The following SNX29 variants were observed in gnomAD, a reference collection of about 807,000 sequenced individuals.
The protein encoded by SNX29 is sorting nexin-29.
SNX29 carries 78 observed loss-of-function variants against 102.1 expected under a neutral mutation model. That is an observed-to-expected ratio of 0.76 (90% CI 0.64 to 0.92). The LOEUF (loss-of-function observed/expected upper bound fraction) is 0.92, where lower values mean the gene tolerates loss of function less well. Among genes scored for constraint, SNX29 ranks in the 40% least tolerant of loss-of-function variants. The pLI is 0.00. For synonymous variants in SNX29, 580 were observed against 414.5 expected, an observed-to-expected ratio of 1.40 and a Z score of -4.85; for missense variants, 1,280 against 1,061.7, an observed-to-expected ratio of 1.21 and a Z score of -2.86.
intron 16 of SNX29, among the ~76,000 whole-genome samples, chr16:12,389,458 T>G (rs111457685): frequency 3.9e-5 from 6 of 152,176 alleles, no homozygotes; most frequent in African/African-American, 1.4e-4. Flanking sequence ...TGGCTCTCAT[T>G]CTCCTGCCTG....
chr16:12,484,647 C>T (rs1001619090), intron 19 of SNX29, among the ~76,000 whole-genome samples: 4 of 152,062 alleles, frequency 2.6e-5, no homozygotes, highest in African/African-American at 9.7e-5. Flanking sequence ...CACCTCGGGG[C>T]CTTTGCACCT....
chr16:12,377,461 A>G (rs1049988022), intron 16 of SNX29, among the ~76,000 whole-genome samples: 9 of 152,164 alleles, frequency 5.9e-5, no homozygotes, highest in Admixed American at 1.3e-4. Flanking sequence ...TCTTATTTCA[A>G]TGGTAAAGCA....
At chr16:12,200,274 A>C (rs2076880829) in intron 14 of SNX29, among the ~76,000 whole-genome samples, 1 of 152,222 alleles carries the variant, frequency 6.6e-6, no homozygotes, top group Non-Finnish European at 1.5e-5. Context: ...ATAGAAGAAC[A>C]GTCATGAAGA....
At chr16:12,331,558 T>C (rs2081292298) in intron 15 of SNX29, among the ~76,000 whole-genome samples, 1 of 152,096 alleles carries the variant, frequency 6.6e-6, no homozygotes, top group African/African-American at 2.4e-5. Context: ...TTCCAGAATT[T>C]TTTTGTTTTT....
intron 18 of SNX29, among the ~76,000 whole-genome samples, chr16:12,454,866 C>T (rs959483365): frequency 1.3e-5 from 2 of 151,942 alleles, no homozygotes; most frequent in African/African-American, 4.8e-5. Context: ...CTGCCTCAGC[C>T]TCCCGAGTAA....
At chr16:12,208,728 C>G (rs2077108713) in intron 14 of SNX29, among the ~76,000 whole-genome samples, 1 of 151,998 alleles carries the variant, frequency 6.6e-6, no homozygotes, top group Non-Finnish European at 1.5e-5. Flanking sequence ...GTAGTCCCAG[C>G]TCTTTGGGAG....
At chr16:12,099,422 G>C (rs1409412580) in intron 11 of SNX29, among the ~76,000 whole-genome samples, 1 of 152,042 alleles carries the variant, frequency 6.6e-6, no homozygotes, top group East Asian at 1.9e-4. Flanking sequence ...GTATGTGTGA[G>C]GAAGGGCCAG....
intron 14 of SNX29, among the ~76,000 whole-genome samples, chr16:12,237,172 G>C (rs1353817325): frequency 6.6e-6 from 1 of 152,218 alleles, no homozygotes; most frequent in Non-Finnish European, 1.5e-5. Flanking sequence ...CGTAGGACAG[G>C]AGGGTGCGAA....
intron 14 of SNX29, among the ~76,000 whole-genome samples, chr16:12,241,884 C>T (rs2078114243): frequency 6.6e-6 from 1 of 152,180 alleles, no homozygotes; most frequent in Non-Finnish European, 1.5e-5. Flanking sequence ...AGTTCCAGAA[C>T]TTTCTAGTTC....
In SNX29 at chr16:12,477,838, CA is replaced by C; in HGVS notation, c.2162del (p.Lys721ArgfsTer26). On this transcript the variant is annotated frameshift_variant, in exon 19 of 21. Transcript: ENST00000566228. LOFTEE classifies it high-confidence loss of function. ...AAGTGAGGGCCTACAACTTCCCACC[CA>C]AAAAGGCCATTGGAAACAAGGTACC... Reference protein sequence around the residue: ...PQVRAYNFPPKKAIGNKDAKF... With the variant: ...PQVRAYNFPPXKAIGNKDAKF... The C allele has an allele frequency of 6.2e-7, 1 of 1,606,998 alleles. No homozygotes were observed. The highest frequency in any genetic ancestry group is 1.7e-5 in the Admixed American group (1 of 57,560).
intron 19 of SNX29, among the ~76,000 whole-genome samples, chr16:12,487,352 C>G (rs535535677): frequency 6.6e-6 from 1 of 152,324 alleles, no homozygotes; most frequent in African/African-American, 2.4e-5. Flanking sequence ...TGTACACTAA[C>G]ACCAGCCACC....
rs150324899 is a variant in SNX29, at chr16:12,495,297, G to A, written c.2178+17438G>A. ...CTCCCAAGTAGTTGGGATTACAGACGTGCACCACCACGTCCAGCTAGTTTA... is the reference window on the plus strand; with the variant it reads ...CTCCCAAGTAGTTGGGATTACAGACATGCACCACCACGTCCAGCTAGTTTA... On this transcript the variant is annotated intron_variant, in intron 19 of 20. Transcript: ENST00000566228. 9.7e-3 allele frequency among the ~76,000 whole-genome samples: 1,476 copies of A among 152,048 alleles called. 29 individuals carry two copies. Among genetic ancestry groups the A allele is most frequent in the African/African-American group, 0.034 (1,421 of 41,456 alleles).
At chr16:12,361,997 C>T (rs1443290763) in intron 16 of SNX29, among the ~76,000 whole-genome samples, 1 of 152,140 alleles carries the variant, frequency 6.6e-6, no homozygotes, top group African/African-American at 2.4e-5. Context: ...ATGTTAATAA[C>T]GAGCACATGC....
At chr16:12,231,187 T>C (rs959831827) in intron 14 of SNX29, among the ~76,000 whole-genome samples, 1 of 152,080 alleles carries the variant, frequency 6.6e-6, no homozygotes, top group Non-Finnish European at 1.5e-5. Context: ...ACTGTCTGAT[T>C]AGGAAACAGA....
intron 3 of SNX29, 116 bp downstream of exon 3, chr16:12,003,159 T>A (rs2056348393): frequency 7.8e-7 from 1 of 1,283,998 alleles, no homozygotes; most frequent in Non-Finnish European, 1.1e-6. Context: ...GGCGGCTGGC[T>A]TCTGGGCTCT....
At chr16:12,493,449 G>C (rs1317701987) in intron 19 of SNX29, among the ~76,000 whole-genome samples, 1 of 152,142 alleles carries the variant, frequency 6.6e-6, no homozygotes, top group Non-Finnish European at 1.5e-5. Flanking sequence ...AGACGATGGG[G>C]TTTTCTAGAT....
rs566379137 is a variant in SNX29, at chr16:12,562,634, C to T, written c.2319-5872C>T. ...CTTGAGAGCTACAGGCTATCAGGGT[C>T]TTCCCTGAGGGGCTGTTTTATGTCG... is the stretch of plus-strand genomic sequence containing the variant. On this transcript the variant is annotated intron_variant, in intron 20 of 20. Coordinates refer to ENST00000566228, the MANE Select transcript of SNX29 (RefSeq NM_032167.5). Among the ~76,000 whole-genome samples, 73 of 152,326 alleles carry T rather than the reference C, an allele frequency of 4.8e-4. 2 individuals carry two copies. In the South Asian group the frequency reaches 0.012, roughly 25 times the overall value.
rs1309754941 is a variant in SNX29 at position 12,098,559 on chromosome 16, G to A, written c.1402+19644G>A. Among the ~76,000 whole-genome samples, 5 of 152,140 alleles carry A rather than the reference G, an allele frequency of 3.3e-5. No homozygotes were observed. The highest frequency in any genetic ancestry group is 1.2e-4 in the African/African-American group (5 of 41,430). ...CACCGTCGGTTTCATGTGCGCAGAC[G>A]ATTCAGTTTCATGCGCGCCCGATTC... On this transcript the variant is annotated intron_variant, in intron 11 of 20. Transcript: ENST00000566228. This position sits in a 1 kb window ranked among gnomAD's most constrained non-coding sequence, Gnocchi z 6.0.
chr16:12,228,529 A>G (rs1461783510), intron 14 of SNX29, among the ~76,000 whole-genome samples: 1 of 152,312 alleles, frequency 6.6e-6, no homozygotes, highest in South Asian at 2.1e-4. Flanking sequence ...TAAAACTACA[A>G]ATATGCTCAA....
Sources: allele counts gnomAD v4.1 joint callset (sites outside exome capture counted in the v4.1 genomes callset), GRCh38; gene constraint gnomAD v4.1.1; non-coding constraint Gnocchi (gnomAD v3.1); transcripts MANE v1.5; gene names NCBI Gene and HGNC (gene_info 2026-07-23, HGNC 2026-07-21).